Variants in PAPPA observed in about 807,000 individuals in gnomAD.
PAPPA encodes the protein pappalysin-1.
A neutral mutation model predicts 164.0 loss-of-function variants in PAPPA; 60 were observed. That is an observed-to-expected ratio of 0.37 (90% CI 0.30 to 0.45). The LOEUF (loss-of-function observed/expected upper bound fraction) is 0.45, where lower values mean the gene tolerates loss of function less well. Among genes scored for constraint, PAPPA ranks in the 20% least tolerant of loss-of-function variants. The pLI, the probability that PAPPA is intolerant of heterozygous loss-of-function variation, is 1.00. For missense variants in PAPPA, 1,782 were observed against 2,087.3 expected, an observed-to-expected ratio of 0.85 and a Z score of 2.85; for synonymous variants, 875 against 814.1, an observed-to-expected ratio of 1.07 and a Z score of -1.27.
intron 6 of PAPPA, among the ~76,000 whole-genome samples, chr9:116,228,715 C>G (rs895408891): frequency 6.6e-6 from 1 of 152,266 alleles, no homozygotes; most frequent in African/African-American, 2.4e-5. Flanking sequence ...GGCTGTCAGA[C>G]CTGAGAGGGA....
In PAPPA at chr9:116,154,553, G is replaced by C; in HGVS notation, c.381G>C (p.Ala127=). 2 of 1,407,046 alleles carry C rather than the reference G, an allele frequency of 1.4e-6. No individual in the cohort carries two copies. The highest frequency in any genetic ancestry group is 1.9e-6 in the Non-Finnish European group (2 of 1,078,462). The allele number at this position is 1,407,046 out of a possible 1,614,324, so 87.2% of individuals were successfully genotyped here. A position where few individuals can be genotyped will look rare whatever the true frequency, so the allele number is the denominator to read the frequency against. Reference sequence around the variant, plus strand: ...TCACGCTGCAAGTGTGGCTGCGAGCGGAGGGGGGCCAGAGGTCTCCGGCAG... The same window carrying C: ...TCACGCTGCAAGTGTGGCTGCGAGCCGAGGGGGGCCAGAGGTCTCCGGCAG... ...DAFTLQVWLR[A]EGGQRSPAVI... Residue 127 remains alanine, a synonymous_variant, in exon 1 of 22, where the codon GCG becomes GCC. Coordinates refer to ENST00000328252, the MANE Select transcript of PAPPA (RefSeq NM_002581.5). The surrounding 1 kb of genome is among the most constrained non-coding windows in gnomAD (Gnocchi z 5.2).
chr9:116,207,689 G>C (rs1844254097), intron 3 of PAPPA, 88 bp downstream of exon 3: 1 of 988,436 alleles, frequency 1.0e-6, no homozygotes, highest in South Asian at 2.4e-5. Context: ...GATCATGATG[G>C]TGGTGGTGGT....
At chr9:116,172,843 C>T (rs1299192510) in intron 1 of PAPPA, among the ~76,000 whole-genome samples, 1 of 152,124 alleles carries the variant, frequency 6.6e-6, no homozygotes, top group Non-Finnish European at 1.5e-5. Flanking sequence ...CTTAAAGATC[C>T]CTGGAGTCTT....
chr9:116,335,611 A>G (rs1243208096), intron 13 of PAPPA, among the ~76,000 whole-genome samples: 5 of 152,154 alleles, frequency 3.3e-5, no homozygotes, highest in Non-Finnish European at 7.3e-5. Flanking sequence ...CTGTCTTTCA[A>G]CTGCATGACA....
At chr9:116,236,637 C>T (rs935329536) in intron 7 of PAPPA, among the ~76,000 whole-genome samples, 1 of 151,076 alleles carries the variant, frequency 6.6e-6, no homozygotes, top group Non-Finnish European at 1.5e-5. Flanking sequence ...CTCTCTATTA[C>T]TTCTTCCCCA....
At position 116,353,787 on chromosome 9, in the gene PAPPA, C is replaced by G; in HGVS notation, c.4341C>G (p.Ala1447=). The change falls in exon 17 of 22, where the codon GCC becomes GCG. Residue 1447 remains alanine, a synonymous_variant. Transcript: ENST00000328252. ...ECRIKCEDSD[A]SQGLGSNVIH... is the part of the protein sequence containing the mutation. Reference sequence around the variant, plus strand: ...GGATCAAGTGTGAAGACAGTGATGCCTCCCAGGTAAGCCTCCTGGAACTTG... The same window carrying G: ...GGATCAAGTGTGAAGACAGTGATGCGTCCCAGGTAAGCCTCCTGGAACTTG... 1 of 1,611,546 alleles carries G rather than the reference C, an allele frequency of 6.2e-7. No homozygotes were observed. Among genetic ancestry groups the G allele is most frequent in the Non-Finnish European group, 8.5e-7 (1 of 1,178,488 alleles).
At position 116,227,499 on chromosome 9, in the gene PAPPA, C is replaced by T; in HGVS notation, c.2180C>T (p.Ser727Phe). The stretch of plus-strand genomic sequence containing the variant: ...CTGGTGCAGTATGCTTCCAACGCTT[C>T]CTCCCCAATGCCCTGCAGCCCATCA... ...RILVQYASNASSPMPCSPSGH... is the reference protein window; with the variant it reads ...RILVQYASNAFSPMPCSPSGH... The change falls in exon 6 of 22, where the codon TCC (serine) becomes TTC (phenylalanine). Residue 727 changes from serine (S) to phenylalanine (F), a missense_variant. Transcript: ENST00000328252. 2 of 1,614,096 alleles carry T rather than the reference C, an allele frequency of 1.2e-6. No homozygotes were observed. Among genetic ancestry groups the T allele is most frequent in the Non-Finnish European group, 1.7e-6 (2 of 1,179,990 alleles).
intron 4 of PAPPA, among the ~76,000 whole-genome samples, chr9:116,213,613 C>T (rs911597482): frequency 1.1e-4 from 17 of 152,068 alleles, no homozygotes; most frequent in African/African-American, 3.4e-4. Context: ...GGAAGTTTGC[C>T]GGCCTCTTAG....
intron 13 of PAPPA, among the ~76,000 whole-genome samples, chr9:116,337,003 A>G (rs1008085700): frequency 4.1e-4 from 62 of 151,988 alleles, no homozygotes; most frequent in Non-Finnish European, 5.9e-5. Context: ...TTATTATTGC[A>G]CCTCTTCTGC....
intron 6 of PAPPA, among the ~76,000 whole-genome samples, chr9:116,229,766 C>T (rs551426206): frequency 1.3e-5 from 2 of 152,300 alleles, no homozygotes; most frequent in Non-Finnish European, 2.9e-5. Flanking sequence ...GGAAGGGAAG[C>T]AGCAAGGTGA....
chr9:116,185,061 T>A (rs545683452), intron 1 of PAPPA, among the ~76,000 whole-genome samples: 2 of 152,298 alleles, frequency 1.3e-5, no homozygotes, highest in Non-Finnish European at 2.9e-5. Flanking sequence ...CACAGGGAAG[T>A]CAGGATGAAC....
chr9:116,384,145 G>A (rs1003308638), intron 21 of PAPPA, among the ~76,000 whole-genome samples: 6 of 151,874 alleles, frequency 4.0e-5, no homozygotes, highest in African/African-American at 9.7e-5. Flanking sequence ...AATTACTTGC[G>A]CTGAGCACAG....
At chr9:116,206,145 C>T (rs895797273) in intron 2 of PAPPA, among the ~76,000 whole-genome samples, 2 of 152,108 alleles carry the variant, frequency 1.3e-5, no homozygotes, top group Admixed American at 6.5e-5. Context: ...GGCTCAGCAG[C>T]GAGATTTCAG....
rs199729954 is a variant in PAPPA at position 116,344,818 on chromosome 9, C to A, written c.3780+107C>A. On this transcript the variant is annotated intron_variant, in intron 14 of 21. Coordinates refer to ENST00000328252, the MANE Select transcript of PAPPA (RefSeq NM_002581.5). ...CCCAGCAGCACTTAAAATAGTGCTG[C>A]CACATAGTAGGTGCTCAATAAATAT... 3.1e-4 allele frequency: 272 copies of A among 884,590 alleles called. No homozygotes were observed. The East Asian group carries it at 5.4e-3, about 17-fold the overall frequency. The allele number at this position is 884,590 out of a possible 1,614,324, so 54.8% of individuals were successfully genotyped here.
chr9:116,328,866 C>T (rs1169533075), intron 10 of PAPPA, among the ~76,000 whole-genome samples: 1 of 152,188 alleles, frequency 6.6e-6, no homozygotes, highest in Non-Finnish European at 1.5e-5. Context: ...GACAAGACAA[C>T]TTGTTCAAAA....
chr9:116,269,476 C>T (rs532943920), intron 8 of PAPPA, among the ~76,000 whole-genome samples: 6 of 152,272 alleles, frequency 3.9e-5, no homozygotes, highest in South Asian at 2.1e-4. Flanking sequence ...CAAATTACAG[C>T]CTCTTATAAG....
intron 21 of PAPPA, among the ~76,000 whole-genome samples, chr9:116,387,239 G>A (rs1846826659): frequency 6.6e-6 from 1 of 152,138 alleles, no homozygotes; most frequent in Non-Finnish European, 1.5e-5. Context: ...TGAGGTTGAG[G>A]GAAATGGAAT....
intron 7 of PAPPA, among the ~76,000 whole-genome samples, chr9:116,244,665 C>T (rs923521503): frequency 2.0e-5 from 3 of 152,074 alleles, no homozygotes; most frequent in Non-Finnish European, 4.4e-5. Flanking sequence ...TAAAAAATAA[C>T]AGATGTTGGT....
intron 1 of PAPPA, among the ~76,000 whole-genome samples, chr9:116,158,054 CT>C (rs1564169605): frequency 6.6e-6 from 1 of 152,216 alleles, no homozygotes; most frequent in Non-Finnish European, 1.5e-5. Flanking sequence ...CCTCCCACCC[CT>C]GTCCCACTCC....
Sources: allele counts gnomAD v4.1 joint callset (sites outside exome capture counted in the v4.1 genomes callset), GRCh38; gene constraint gnomAD v4.1.1; non-coding constraint Gnocchi (gnomAD v3.1); transcripts MANE v1.5; gene names NCBI Gene and HGNC (gene_info 2026-07-23, HGNC 2026-07-21).